The following MACF1 variants were observed in gnomAD, a reference collection of about 807,000 sequenced individuals.
The protein encoded by MACF1 is microtubule-actin cross-linking factor 1.
MACF1 carries 193 observed loss-of-function variants against 854.8 expected under a neutral mutation model. The ratio of observed to expected loss-of-function variants is 0.23; its 90% CI spans 0.20 to 0.25. MACF1 has a LOEUF of 0.25. MACF1 is among the 10% of genes least tolerant of loss of function. The pLI is 1.00. For missense variants in MACF1, 7,722 were observed against 8,929.1 expected, an observed-to-expected ratio of 0.86 and a Z score of 5.45; for synonymous variants, 3,185 against 3,226.7, an observed-to-expected ratio of 0.99 and a Z score of 0.44.
intron 2 of MACF1, among the ~76,000 whole-genome samples, chr1:39,112,508 T>C (rs1384767770): frequency 6.6e-6 from 1 of 152,082 alleles, no homozygotes; most frequent in Non-Finnish European, 1.5e-5. Context: ...TGAAACCCTG[T>C]CTCTACTAAA....
At position 39,442,238 on chromosome 1, in the gene MACF1, C is replaced by G; in HGVS notation, c.18866C>G (p.Thr6289Arg). ...ATGTTAAAGAAAGCTACTGATGAGA[C>G]GGACAGAGACATTATACGAGAACCA... ...ELMLKKATDE[T>R]DRDIIREPLT... The change falls in exon 76 of 101, where the codon ACG becomes AGG. Residue 6289 changes from threonine (T) to arginine (R), a missense_variant. Transcript: ENST00000564288. The G allele has an allele frequency of 6.2e-7, 1 of 1,609,930 alleles. No homozygotes were observed. Among genetic ancestry groups the G allele is most frequent in the East Asian group, 2.2e-5 (1 of 44,864 alleles).
chr1:39,085,345 C>G (rs1197471536), intron 2 of MACF1, among the ~76,000 whole-genome samples: 1 of 152,232 alleles, frequency 6.6e-6, no homozygotes, highest in Admixed American at 6.5e-5. Context: ...TGCTCAGCAT[C>G]TCAGCAGGGT....
intron 23 of MACF1, among the ~76,000 whole-genome samples, chr1:39,306,987 G>A (rs1195789799): frequency 6.6e-6 from 1 of 151,610 alleles, no homozygotes; most frequent in Non-Finnish European, 1.5e-5. Context: ...TGATTCTCCT[G>A]CCTCAGCCTG....
At chr1:39,184,214 A>G (rs1644139069) in intron 2 of MACF1, among the ~76,000 whole-genome samples, 1 of 152,100 alleles carries the variant, frequency 6.6e-6, no homozygotes, top group Non-Finnish European at 1.5e-5. Context: ...TATCTGGGTG[A>G]GATGGCTCAC....
chr1:39,479,434 A>G (rs1371246314), intron 97 of MACF1, among the ~76,000 whole-genome samples: 1 of 152,192 alleles, frequency 6.6e-6, no homozygotes, highest in Non-Finnish European at 1.5e-5. Context: ...CACATGTACT[A>G]AGAGAGAGAA....
chr1:39,304,613 G>A, intron 23 of MACF1: 2 of 590,148 alleles, frequency 3.4e-6, no homozygotes, highest in South Asian at 3.5e-5. Context: ...GCTCAGGCTG[G>A]AGTGCAGTGG....
At chr1:39,349,349 C>G (rs1156727613) in intron 41 of MACF1, 129 bp from the exon 42 acceptor site, 7 of 851,978 alleles carry the variant, frequency 8.2e-6, no homozygotes, top group Non-Finnish European at 1.3e-5. Context: ...ATGTCTTTTC[C>G]TATTCTAGTC....
Position 39,187,741 on chromosome 1 carries a change from A to C in MACF1, c.221-43441A>C, listed in dbSNP as rs1232997612. The stretch of plus-strand genomic sequence containing the variant: ...TATTTAAAATTTTTTTGTAGAAATG[A>C]GATCTCGCTATGTTGCCCAAGCTGG... On this transcript the variant is annotated intron_variant, in intron 2 of 93. Coordinates refer to the MACF1 transcript ENST00000361689. Among the ~76,000 whole-genome samples the C allele has an allele frequency of 4.6e-5, 7 of 152,288 alleles. No individual in the cohort carries two copies. In the East Asian group the frequency reaches 1.4e-3, roughly 29 times the overall value.
At chr1:39,344,191 C>A (rs1288776926) in intron 40 of MACF1, among the ~76,000 whole-genome samples, 2 of 151,688 alleles carry the variant, frequency 1.3e-5, no homozygotes, top group Non-Finnish European at 2.9e-5. Context: ...CTTTGGGAGG[C>A]GAAGGCGGGA....
At chr1:39,455,134 CG>C in intron 89 of MACF1, 37 bp downstream of exon 89, 2 of 1,596,388 alleles carry the variant, frequency 1.3e-6, no homozygotes, top group Non-Finnish European at 1.7e-6. Flanking sequence ...TGGTGTTTTC[CG>C]TGTTGGGCAT....
In MACF1 at chr1:39,280,427, G is replaced by A. The variant is rs570989399; in HGVS notation, c.529-1781G>A. Among the ~76,000 whole-genome samples, 6 of 152,182 alleles carry A rather than the reference G, an allele frequency of 3.9e-5. No homozygotes were observed. The East Asian group carries it at 7.7e-4, about 20-fold the overall frequency. On this transcript the variant is annotated intron_variant, in intron 6 of 100. Transcript: ENST00000564288. ...TGCTTGACACGTCCAGTGGCGAGGA[G>A]CTCTCCCACATAGGGTTTGCTGTTC...
At chr1:39,152,738 T>C (rs577920671) in intron 2 of MACF1, among the ~76,000 whole-genome samples, 1 of 152,360 alleles carries the variant, frequency 6.6e-6, no homozygotes, top group East Asian at 1.9e-4. Context: ...TCCGTTATGT[T>C]ATTTTTGGTG....
At chr1:39,412,585 C>A (rs989079598) in intron 58 of MACF1, 25 of 1,613,840 alleles carry the variant, frequency 1.5e-5, no homozygotes, top group Non-Finnish European at 2.1e-5. Flanking sequence ...GAGACTTAAT[C>A]CAGATGGAGT....
At chr1:39,277,199 G>A (rs918667623) in intron 6 of MACF1, among the ~76,000 whole-genome samples, 1 of 150,624 alleles carries the variant, frequency 6.6e-6, no homozygotes, top group Non-Finnish European at 1.5e-5. Flanking sequence ...CTGGACTCTT[G>A]TGGTTTGAAA....
intron 84 of MACF1, 26 bp downstream of exon 84, chr1:39,448,789 G>C (rs749341633): frequency 6.5e-7 from 1 of 1,537,392 alleles, no homozygotes; most frequent in Non-Finnish European, 8.8e-7. Flanking sequence ...CCCTTCAGGG[G>C]TCTAACCGGG....
At chr1:39,167,485 T>G (rs1018243323) in intron 2 of MACF1, among the ~76,000 whole-genome samples, 2 of 151,772 alleles carry the variant, frequency 1.3e-5, no homozygotes, top group South Asian at 4.2e-4. Context: ...GGTGAGCGGA[T>G]CACCTGAAGT....
In MACF1 at chr1:39,333,341, T is replaced by G; in HGVS notation, c.6753T>G (p.Gly2251=). The G allele has an allele frequency of 6.2e-7, 1 of 1,614,042 alleles. No individual in the cohort carries two copies. The highest frequency in any genetic ancestry group is 8.5e-7 in the Non-Finnish European group (1 of 1,179,996). The change falls in exon 37 of 101, where the codon GGT becomes GGG. Residue 2251 remains glycine (G), a synonymous_variant. Coordinates refer to ENST00000564288, the MANE Select transcript of MACF1 (RefSeq NM_001394062.1). The part of the protein sequence containing the change: ...KESQEAQNIA[G]GSMMMSEKTD... ...GTCAAGAAGCACAGAACATCGCAGG[T>G]GGTAGTATGATGATGTCAGAAAAGA...
chr1:39,475,486 T>G (rs1025931155), intron 97 of MACF1, among the ~76,000 whole-genome samples: 11 of 100,796 alleles, frequency 1.1e-4, no homozygotes, highest in Admixed American at 9.2e-4. Flanking sequence ...AAAAAAAAAA[T>G]GCATTCTGCA....
At chr1:39,223,213 A>C (rs1028740027) in intron 1 of MACF1, among the ~76,000 whole-genome samples, 1 of 152,190 alleles carries the variant, frequency 6.6e-6, no homozygotes. Flanking sequence ...GAAATTTTTT[A>C]AACAAGGCTG....
Sources: gnomAD v4.1 joint callset for allele counts (sites outside exome capture counted in the v4.1 genomes callset) on GRCh38, gnomAD v4.1.1 for gene constraint, MANE v1.5 for transcripts, NCBI Gene and HGNC (gene_info 2026-07-23, HGNC 2026-07-21) for gene names.